EXOC4: variants seen among roughly 807,000 people sequenced by gnomAD.
The protein encoded by EXOC4 is SEC8-like 1.
EXOC4 carries 71 observed loss-of-function variants against 107.2 expected under a neutral mutation model. The ratio of observed to expected loss-of-function variants is 0.66; its 90% CI spans 0.55 to 0.81. EXOC4 has a LOEUF of 0.81. Ranked by LOEUF, EXOC4 falls within the 30% of genes least tolerant of loss-of-function variation. EXOC4 has a pLI of 0.00. For missense variants in EXOC4, 1,108 were observed against 1,189.6 expected, an observed-to-expected ratio of 0.93 and a Z score of 1.01; for synonymous variants, 456 against 441.2, an observed-to-expected ratio of 1.03 and a Z score of -0.42.
chr7:133,498,001 C>T (rs573015188), intron 9 of EXOC4, among the ~76,000 whole-genome samples: 6 of 152,192 alleles, frequency 3.9e-5, no homozygotes, highest in East Asian at 3.9e-4. Flanking sequence ...GTAAAGACAT[C>T]GTTGTGATGA....
At chr7:133,946,914 A>G (rs1231250062) in intron 14 of EXOC4, among the ~76,000 whole-genome samples, 1 of 152,076 alleles carries the variant, frequency 6.6e-6, no homozygotes, top group East Asian at 1.9e-4. Flanking sequence ...CTCCCCAATC[A>G]TGGTTACTTT....
Position 133,387,074 on chromosome 7 carries a change from A to G in EXOC4, c.1182+12072A>G, listed in dbSNP as rs567613801. Among the ~76,000 whole-genome samples the G allele has an allele frequency of 5.5e-4, 84 of 152,318 alleles. 2 individuals are homozygous for G. The South Asian group carries it at 0.014, about 26-fold the overall frequency. On this transcript the variant is annotated intron_variant, in intron 7 of 17. Coordinates refer to ENST00000253861, the MANE Select transcript of EXOC4 (RefSeq NM_021807.4). ...CAGCAAATCTCTTTTGGGATGCACAATTAGAATGGCCTGTGGACCCCACAT... is the reference window on the plus strand; with the variant it reads ...CAGCAAATCTCTTTTGGGATGCACAGTTAGAATGGCCTGTGGACCCCACAT...
intron 13 of EXOC4, 85 bp from the exon 14 acceptor site, chr7:133,937,806 G>C: frequency 7.6e-7 from 1 of 1,309,282 alleles, no homozygotes; most frequent in Non-Finnish European, 1.1e-6. Context: ...GTCAGTCCTT[G>C]TGCTAGGTGT....
At chr7:133,467,035 A>T (rs1276874136) in intron 7 of EXOC4, among the ~76,000 whole-genome samples, 1 of 152,194 alleles carries the variant, frequency 6.6e-6, no homozygotes, top group Non-Finnish European at 1.5e-5. Flanking sequence ...TTTATAGATC[A>T]TGGAAATACC....
intron 12 of EXOC4, among the ~76,000 whole-genome samples, chr7:133,900,291 A>T (rs939941446): frequency 6.6e-6 from 1 of 152,230 alleles, no homozygotes; most frequent in African/African-American, 2.4e-5. Flanking sequence ...CATGACAGAA[A>T]ATATGGCAAG....
chr7:133,768,399 G>C (rs184406243), intron 10 of EXOC4: 1 of 151,970 alleles, frequency 6.6e-6, no homozygotes, highest in East Asian at 1.9e-4. Flanking sequence ...TGTCAACTGC[G>C]AATGGGCAAT....
At chr7:134,024,571 G>A (rs894243188) in intron 17 of EXOC4, among the ~76,000 whole-genome samples, 7 of 152,240 alleles carry the variant, frequency 4.6e-5, no homozygotes, top group Admixed American at 6.5e-5. Context: ...AAAAGAAAAA[G>A]TAGTGATATA....
At chr7:133,577,855 A>T (rs1398211148) in intron 9 of EXOC4, among the ~76,000 whole-genome samples, 3 of 152,204 alleles carry the variant, frequency 2.0e-5, no homozygotes, top group African/African-American at 7.2e-5. Flanking sequence ...TGACTTTCAA[A>T]AAAAAAGTTA....
chr7:133,682,734 A>G (rs1402068490), intron 10 of EXOC4, among the ~76,000 whole-genome samples: 1 of 152,188 alleles, frequency 6.6e-6, no homozygotes, highest in Non-Finnish European at 1.5e-5. Context: ...CCTGCCTGCT[A>G]GTCATCTACC....
At chr7:133,370,088 G>A (rs542504338) in intron 6 of EXOC4, among the ~76,000 whole-genome samples, 40 of 151,840 alleles carry the variant, frequency 2.6e-4, no homozygotes, top group Non-Finnish European at 5.0e-4. Flanking sequence ...CACTGTGCCT[G>A]GCCTCCTTCC....
chr7:133,430,668 A>T (rs1797836182), intron 7 of EXOC4, among the ~76,000 whole-genome samples: 1 of 152,168 alleles, frequency 6.6e-6, no homozygotes, highest in Non-Finnish European at 1.5e-5. Flanking sequence ...TTTGTGTTTA[A>T]CTTTTTGAGG....
chr7:133,548,004 C>T (rs1412883723), intron 9 of EXOC4, among the ~76,000 whole-genome samples: 1 of 149,976 alleles, frequency 6.7e-6, no homozygotes, highest in East Asian at 2.0e-4. Context: ...CTATTTATAG[C>T]AGCTATAGTC....
At chr7:133,344,709 G>C (rs1795746064) in intron 5 of EXOC4, among the ~76,000 whole-genome samples, 1 of 152,144 alleles carries the variant, frequency 6.6e-6, no homozygotes, top group African/African-American at 2.4e-5. Flanking sequence ...CCTATAGTCA[G>C]CTCTGTGATC....
intron 2 of EXOC4, among the ~76,000 whole-genome samples, chr7:133,277,055 G>A (rs1015007005): frequency 1.1e-4 from 16 of 151,794 alleles, no homozygotes; most frequent in South Asian, 2.1e-4. Context: ...TCCGCCTCCC[G>A]GGTTCAAGCG....
chr7:133,751,479 G>T (rs1172183617), intron 10 of EXOC4, among the ~76,000 whole-genome samples: 1 of 152,150 alleles, frequency 6.6e-6, no homozygotes, highest in Non-Finnish European at 1.5e-5. Context: ...ATGTAAGGGG[G>T]TGTTACATCT....
At chr7:134,071,632 T>G in the EXOC4 span, among the ~76,000 whole-genome samples, 1 of 152,168 alleles carries the variant, frequency 6.6e-6, no homozygotes, top group African/African-American at 2.4e-5. Context: ...GTGTATGCCC[T>G]TCTTATCTCC....
chr7:133,395,272 C>G lies in EXOC4; in HGVS notation c.1182+20270C>G, dbSNP rs572186536. ...TATAAAGTAGTCTTAAAATTTTTCTCTACCCACATATAAACACCATTCCAA... is the reference window on the plus strand; with the variant it reads ...TATAAAGTAGTCTTAAAATTTTTCTGTACCCACATATAAACACCATTCCAA... On this transcript the variant is annotated intron_variant, in intron 7 of 17. Transcript: ENST00000253861. 1.1e-3 allele frequency among the ~76,000 whole-genome samples: 164 copies of G among 152,182 alleles called. 2 individuals are homozygous for G. The highest frequency in any genetic ancestry group is 2.5e-3 in the South Asian group (12 of 4,822).
intron 14 of EXOC4, among the ~76,000 whole-genome samples, chr7:133,945,736 GT>G (rs896624564): frequency 3.3e-5 from 5 of 152,276 alleles, no homozygotes; most frequent in Non-Finnish European, 7.4e-5. Context: ...ATTCCAGCAT[GT>G]TTTTTATGCA....
At chr7:133,399,379 A>G (rs1192227574) in intron 7 of EXOC4, among the ~76,000 whole-genome samples, 1 of 152,190 alleles carries the variant, frequency 6.6e-6, no homozygotes, top group African/African-American at 2.4e-5. Context: ...AACTAAACCT[A>G]CCCACTAAAC....
Sources: allele counts gnomAD v4.1 joint callset (sites outside exome capture counted in the v4.1 genomes callset), GRCh38; gene constraint gnomAD v4.1.1; transcripts MANE v1.5; gene names NCBI Gene and HGNC (gene_info 2026-07-23, HGNC 2026-07-21).